The following GPSM2 variants were observed in gnomAD, a reference collection of about 807,000 sequenced individuals.
The protein encoded by GPSM2 is G protein signaling modulator 2, also known as G protein-signaling modulator 2.
In GPSM2, 58 loss-of-function variants were observed where a neutral mutation model predicts 78.4. The ratio of observed to expected loss-of-function variants is 0.74; its 90% CI spans 0.60 to 0.92. The LOEUF is 0.92. GPSM2 is among the 40% of genes least tolerant of loss of function. The pLI is 0.00. For synonymous variants in GPSM2, 224 were observed against 280.2 expected, an observed-to-expected ratio of 0.80 and a Z score of 2.00; for missense variants, 700 against 815.5, an observed-to-expected ratio of 0.86 and a Z score of 1.73.
Position 108,897,982 on chromosome 1 carries a change from C to T in GPSM2, c.438C>T (p.Tyr146=), listed in dbSNP as rs747878997. 3 of 1,613,822 alleles carry T rather than the reference C, an allele frequency of 1.9e-6. No homozygotes were observed. In the African/African-American group the frequency reaches 4.0e-5, roughly 22 times the overall value. ...AGGTGGGAGAAGCAAGAGCACTTTA[C>T]AATCTTGGGAATGTGTATCATGCCA... The part of the protein sequence containing the change: ...NDKVGEARAL[Y]NLGNVYHAKG... The change falls in exon 5 of 15, where the codon TAC becomes TAT. Residue 146 remains tyrosine, a synonymous_variant. Transcript: ENST00000264126.
intron 10 of GPSM2, among the ~76,000 whole-genome samples, chr1:108,906,981 G>A (rs945088957): frequency 1.3e-5 from 2 of 152,056 alleles, no homozygotes; most frequent in African/African-American, 2.4e-5. Flanking sequence ...AATATACGTC[G>A]TTCCTCTGTT....
Position 108,918,789 on chromosome 1 carries a change from G to T in GPSM2, c.1440G>T (p.Arg480Ser). 1 of 1,608,606 alleles carries T rather than the reference G, an allele frequency of 6.2e-7. No individual in the cohort carries two copies. Among genetic ancestry groups the T allele is most frequent in the Non-Finnish European group, 8.5e-7 (1 of 1,175,168 alleles). Residue 480 changes from arginine to serine, a missense_variant and splice_region_variant, in exon 12 of 15, where the codon AGG becomes AGT. Coordinates refer to ENST00000264126, the MANE Select transcript of GPSM2 (RefSeq NM_013296.5). ...SIDHRIPNSQ[R>S]KISADTIGDE... ...ACCACCGAATTCCAAATTCTCAGAG[G>T]GTACGTTTAAACTAAGTTTTTGAGT...
At chr1:108,926,821 A>G (rs906180190) in intron 14 of GPSM2, 1 of 152,230 alleles carries the variant, frequency 6.6e-6, no homozygotes, top group Non-Finnish European at 1.5e-5. Context: ...ACGAGATCAG[A>G]ATGCAGGTTT....
intron 1 of GPSM2, among the ~76,000 whole-genome samples, chr1:108,879,390 A>G (rs1665783834): frequency 6.6e-6 from 1 of 152,176 alleles, no homozygotes; most frequent in Admixed American, 6.5e-5. Flanking sequence ...AATGCTTCCT[A>G]TTCAGTAGTT....
chr1:108,928,933 G>A (rs959638741), intron 14 of GPSM2, among the ~76,000 whole-genome samples: 1 of 150,146 alleles, frequency 6.7e-6, no homozygotes, highest in African/African-American at 2.5e-5. Context: ...AGGTTGCAGT[G>A]AGCCAGGATC....
Position 108,904,195 on chromosome 1 carries a change from G to C in GPSM2, c.1133G>C (p.Ser378Thr). Residue 378 changes from serine (S) to threonine (T), a missense_variant, in exon 10 of 15, where the codon AGC becomes ACC. Coordinates refer to ENST00000264126, the MANE Select transcript of GPSM2 (RefSeq NM_013296.5). ...LSDLQMVLGL[S>T]YSTNNSIMSE... ...GACCTTCAAATGGTTCTTGGTCTGA[G>C]CTACAGCACAAATAACTCCATAATG... 1.3e-6 allele frequency: 2 copies of C among 1,597,254 alleles called. No individual in the cohort carries two copies. Among genetic ancestry groups the C allele is most frequent in the Non-Finnish European group, 1.7e-6 (2 of 1,165,312 alleles).
chr1:108,928,644 CATGTAT>C (rs1213421351), intron 14 of GPSM2, among the ~76,000 whole-genome samples: 1 of 152,162 alleles, frequency 6.6e-6, no homozygotes, highest in Non-Finnish European at 1.5e-5. Flanking sequence ...CTTGTAAGTG[CATGTAT>C]TTTTTGACAA....
chr1:108,918,832 G>A lies in GPSM2; in HGVS notation c.1440+43G>A, dbSNP rs374572271. The A allele has an allele frequency of 3.0e-5, 40 of 1,323,716 alleles. No homozygotes were observed. The African/African-American group carries it at 5.1e-4, about 17-fold the overall frequency. The allele number at this position is 1,323,716 out of a possible 1,614,324, so 82.0% of individuals were successfully genotyped here. On this transcript the variant is annotated intron_variant, in intron 12 of 14. Transcript: ENST00000264126. ...TTTTGAGTATTGTGTTTTGAGTACCGACATTTGGGTTTTCTTGTATTCATG... is the reference window on the plus strand; with the variant it reads ...TTTTGAGTATTGTGTTTTGAGTACCAACATTTGGGTTTTCTTGTATTCATG...
At position 108,898,447 on chromosome 1, in the gene GPSM2, C is replaced by T. The variant is rs887205078; in HGVS notation, c.558-195C>T. Among the ~76,000 whole-genome samples the T allele has an allele frequency of 6.6e-5, 10 of 152,292 alleles. 1 individual carries two copies. In the Middle Eastern group the frequency reaches 0.01, roughly 155 times the overall value. On this transcript the variant is annotated intron_variant, in intron 5 of 14. Coordinates refer to ENST00000264126, the MANE Select transcript of GPSM2 (RefSeq NM_013296.5). ...TGCTTGACCCTGGGCAGAAACCTAT[C>T]TGAATAGTTTAATAAAGTGTTCCCA...
intron 2 of GPSM2, among the ~76,000 whole-genome samples, chr1:108,896,586 A>G (rs978242144): frequency 6.6e-6 from 1 of 152,214 alleles, no homozygotes; most frequent in East Asian, 1.9e-4. Context: ...CTCTTTCACT[A>G]GTAACGTGGA....
intron 11 of GPSM2, among the ~76,000 whole-genome samples, chr1:108,915,880 A>G (rs966438829): frequency 1.3e-5 from 2 of 152,174 alleles, no homozygotes; most frequent in East Asian, 3.9e-4. Flanking sequence ...TTATTTTGGC[A>G]TCTATTCATC....
chr1:108,922,540 ACAACTT>A lies in GPSM2; in HGVS notation c.1566_1571del (p.Thr523_Ser524del), dbSNP rs754360107. ...AAAGAACTGCCATACAGCTTCAACA[ACAACTT>A]CTTCCACTCCCCCTAAAATGATGCT... On this transcript the variant is annotated inframe_deletion, in exon 13 of 15. Transcript: ENST00000264126. The A allele has an allele frequency of 2.3e-5, 36 of 1,588,942 alleles. No homozygotes were observed. The African/African-American group carries it at 2.5e-4, about 11-fold the overall frequency.
At chr1:108,900,296 A>G (rs1410098946) in intron 7 of GPSM2, among the ~76,000 whole-genome samples, 1 of 148,558 alleles carries the variant, frequency 6.7e-6, no homozygotes, top group Non-Finnish European at 1.5e-5. Context: ...CTGGAGTGCA[A>G]TGGCACAATC....
intron 12 of GPSM2, among the ~76,000 whole-genome samples, chr1:108,920,441 C>G (rs1650615942): frequency 6.6e-6 from 1 of 152,018 alleles, no homozygotes. Context: ...TGTACTCCAG[C>G]CTGGGTGACA....
Position 108,931,006 on chromosome 1 carries a change from C to T in GPSM2, c.*1066C>T, listed in dbSNP as rs1177950089. ...GGTGGAGGCTGCACTGAGCTATGAT[C>T]GTGCCACTGCACTCCAGCCTGGGTG... On this transcript the variant is annotated 3_prime_UTR_variant, in exon 15 of 15. Coordinates refer to ENST00000264126, the MANE Select transcript of GPSM2 (RefSeq NM_013296.5). 3 of 196,408 alleles carry T rather than the reference C, an allele frequency of 1.5e-5. No individual in the cohort carries two copies. The highest frequency in any genetic ancestry group is 5.6e-5 in the Admixed American group (1 of 17,828). The allele number at this position is 196,408 out of a possible 1,614,324, so 12.2% of individuals were successfully genotyped here. A position where few individuals can be genotyped will look rare whatever the true frequency, so the allele number is the denominator to read the frequency against.
chr1:108,915,477 A>C (rs951950623), intron 11 of GPSM2, among the ~76,000 whole-genome samples: 6 of 147,846 alleles, frequency 4.1e-5, no homozygotes, highest in Non-Finnish European at 8.9e-5. Context: ...GCCAGGCTGG[A>C]GTGCAGTGGC....
chr1:108,897,823 T>G (rs1310277568), intron 4 of GPSM2, 136 bp from the exon 5 acceptor site: 2 of 964,062 alleles, frequency 2.1e-6, no homozygotes, highest in Middle Eastern at 3.3e-4. Context: ...CATAAGTAAT[T>G]ATTTGATTGG....
Position 108,901,791 on chromosome 1 carries a change from A to G in GPSM2, c.799A>G (p.Lys267Glu). 6.2e-7 allele frequency: 1 copy of G among 1,608,254 alleles called. No homozygotes were observed. Among genetic ancestry groups the G allele is most frequent in the Non-Finnish European group, 8.5e-7 (1 of 1,174,620 alleles). ...ATAAGAATTAATTTCTTCTTGTAGG[A>G]AGACACTACTGTTGGCCCGACAGCT... ...EFETASEYYK[K>E]TLLLARQLKD... Residue 267 changes from lysine to glutamate, a missense_variant and splice_region_variant, in exon 8 of 15, where the codon AAG becomes GAG. Transcript: ENST00000264126.
intron 10 of GPSM2, among the ~76,000 whole-genome samples, chr1:108,911,246 G>A (rs1255933221): frequency 2.0e-5 from 3 of 152,028 alleles, no homozygotes; most frequent in East Asian, 1.9e-4. Flanking sequence ...GAAGAAGGTC[G>A]GCTGAGTGTG....
Sources: gnomAD v4.1 joint callset for allele counts (sites outside exome capture counted in the v4.1 genomes callset) on GRCh38, gnomAD v4.1.1 for gene constraint, MANE v1.5 for transcripts, NCBI Gene and HGNC (gene_info 2026-07-23, HGNC 2026-07-21) for gene names.